Variants in BCL2 observed in about 807,000 individuals in gnomAD.
BCL2 encodes apoptosis regulator Bcl-2.
In BCL2, 1 loss-of-function variant was observed where a neutral mutation model predicts 14.2. That is an observed-to-expected ratio of 0.07 (90% CI 0.02 to 0.33). The LOEUF (loss-of-function observed/expected upper bound fraction) is 0.33, where lower values mean the gene tolerates loss of function less well. Ranked by LOEUF, BCL2 falls within the 10% of genes least tolerant of loss-of-function variation. The pLI, the probability that BCL2 is intolerant of heterozygous loss-of-function variation, is 0.99. For missense variants in BCL2, 247 were observed against 305.9 expected (o/e 0.81, Z 1.44); for synonymous variants, 151 against 137.2 (o/e 1.10, Z -0.70).
At chr18:63,262,927 G>C (rs1911702011) in intron 2 of BCL2, among the ~76,000 whole-genome samples, 1 of 152,178 alleles carries the variant, frequency 6.6e-6, no homozygotes, top group South Asian at 2.1e-4. Flanking sequence ...GGAACAAAGT[G>C]ATCCAATATC....
intron 2 of BCL2, among the ~76,000 whole-genome samples, chr18:63,307,419 T>C (rs1054283617): frequency 7.2e-5 from 11 of 152,254 alleles, no homozygotes; most frequent in Non-Finnish European, 1.3e-4. Flanking sequence ...AGCTACTGAT[T>C]TGCAGTGACA....
intron 2 of BCL2, among the ~76,000 whole-genome samples, chr18:63,240,287 C>T (rs376577172): frequency 1.3e-4 from 20 of 152,218 alleles, no homozygotes; most frequent in African/African-American, 4.8e-4. Flanking sequence ...CTGCACCCAG[C>T]CTATCTTGTT....
chr18:63,319,809 C>T (rs1374432816), upstream of BCL2: 1 of 188,250 alleles, frequency 5.3e-6, no homozygotes, highest in East Asian at 8.4e-5. Context: ...TATTTTTTCC[C>T]TCTTTTCCTA....
At chr18:63,216,976 G>A (rs919134064) in intron 2 of BCL2, among the ~76,000 whole-genome samples, 10 of 152,154 alleles carry the variant, frequency 6.6e-5, no homozygotes, top group African/African-American at 2.2e-4. Context: ...GTGGCATCAC[G>A]TTGAAGAAGG....
chr18:63,319,043 A>T, intron 1 of BCL2, 91 bp from the exon 2 acceptor site: 1 of 1,098,690 alleles, frequency 9.1e-7, no homozygotes. Flanking sequence ...TACACACTAC[A>T]AGTAACACGG....
chr18:63,226,593 C>G (rs1568239812), intron 2 of BCL2, among the ~76,000 whole-genome samples: 1 of 152,028 alleles, frequency 6.6e-6, no homozygotes, highest in African/African-American at 2.4e-5. Flanking sequence ...CATGTACTAT[C>G]AAGAGAGAAA....
intron 2 of BCL2, among the ~76,000 whole-genome samples, chr18:63,148,016 T>C (rs1914556584): frequency 6.6e-6 from 1 of 152,078 alleles, no homozygotes; most frequent in Non-Finnish European, 1.5e-5. Context: ...GCTTGGAAAA[T>C]GCAGAGAAAA....
rs1160213231 is a variant in BCL2 at position 63,185,521 on chromosome 18, C to G, written c.586-56762G>C. Among the ~76,000 whole-genome samples the G allele has an allele frequency of 2.6e-5, 4 of 152,202 alleles. No individual in the cohort carries two copies. The East Asian group carries it at 5.8e-4, about 22-fold the overall frequency. On this transcript the variant is annotated intron_variant, in intron 2 of 2. Coordinates refer to ENST00000333681, the MANE Select transcript of BCL2 (RefSeq NM_000633.3). ...GCTAGCTGCTTTCCATATGGTATCT[C>G]ATTTGATTCTCACAGTCACACTGTA...
chr18:63,126,797 C>T lies in BCL2; in HGVS notation c.*1828G>A, dbSNP rs769867822. On this transcript the variant is annotated 3_prime_UTR_variant, in exon 3 of 3. Transcript: ENST00000333681. The stretch of plus-strand genomic sequence containing the variant: ...CTAAATACAATTAAAAACAAAAAAA[C>T]GCTGAGATGCATGTATTTTTTTAAA... 29 of 226,474 alleles carry T rather than the reference C, an allele frequency of 1.3e-4. No individual in the cohort carries two copies. The highest frequency in any genetic ancestry group is 2.5e-4 in the East Asian group (4 of 15,740). The allele number at this position is 226,474 out of a possible 1,614,324, so 14.0% of individuals were successfully genotyped here. A position where few individuals can be genotyped will look rare whatever the true frequency, so the allele number is the denominator to read the frequency against.
intron 2 of BCL2, among the ~76,000 whole-genome samples, chr18:63,152,160 G>A (rs1387015598): frequency 6.6e-6 from 1 of 152,220 alleles, no homozygotes; most frequent in East Asian, 1.9e-4. Flanking sequence ...TGACTTCCAA[G>A]AGACTCACTA....
chr18:63,194,338 C>CT (rs147419261), intron 2 of BCL2, among the ~76,000 whole-genome samples: 83,985 of 143,994 alleles, frequency 0.58, 26,267 homozygotes, highest in Non-Finnish European at 0.71. Flanking sequence ...AAACTTTTTT[C>CT]TTTTTTTTTT....
chr18:63,156,180 AGAGTCTTGCCCAGCAATAGCATGGAAGG>A (rs1914778228), intron 2 of BCL2, among the ~76,000 whole-genome samples: 1 of 151,982 alleles, frequency 6.6e-6, no homozygotes, highest in Non-Finnish European at 1.5e-5. Flanking sequence ...GAGCCAACAT[AGAGTCTTGCCCAGCAATAGCATGGAAGG>A]GAGTGGCAGC....
intron 2 of BCL2, among the ~76,000 whole-genome samples, chr18:63,145,114 A>G (rs1914474049): frequency 6.6e-6 from 1 of 152,258 alleles, no homozygotes; most frequent in South Asian, 2.1e-4. Context: ...AGAATGTGAA[A>G]GAGAACAAAA....
chr18:63,199,141 A>G (rs1055402154), intron 2 of BCL2, among the ~76,000 whole-genome samples: 1 of 151,484 alleles, frequency 6.6e-6, no homozygotes, highest in Non-Finnish European at 1.5e-5. Context: ...GCACAGACAC[A>G]GAGACGCAGA....
In BCL2 at chr18:63,319,318, G is replaced by C. The variant is rs977840505; in HGVS notation, c.-431C>G. On this transcript the variant is annotated 5_prime_UTR_variant, in exon 1 of 3. Coordinates refer to ENST00000333681, the MANE Select transcript of BCL2 (RefSeq NM_000633.3). ...ACTTCCCAATGAATCAGGAGTCGCGGGGAGAGGGAGTAAAAATTAGGAGGA... is the reference window on the plus strand; with the variant it reads ...ACTTCCCAATGAATCAGGAGTCGCGCGGAGAGGGAGTAAAAATTAGGAGGA... The C allele has an allele frequency of 4.4e-6, 1 of 228,024 alleles. No homozygotes were observed. Among genetic ancestry groups the C allele is most frequent in the Non-Finnish European group, 8.7e-6 (1 of 114,814 alleles). 14.1% of individuals were successfully genotyped at this position (228,024 alleles called of 1,614,324 possible).
At chr18:63,241,762 T>C (rs1301096146) in intron 2 of BCL2, among the ~76,000 whole-genome samples, 1 of 152,208 alleles carries the variant, frequency 6.6e-6, no homozygotes, top group Non-Finnish European at 1.5e-5. Flanking sequence ...ACTACGAGAA[T>C]CTGATGAAAA....
rs1397818696 is a variant in BCL2 at position 63,123,999 on chromosome 18, G to A, written c.*4626C>T. 9.0e-6 allele frequency: 2 copies of A among 221,568 alleles called. No homozygotes were observed. The highest frequency in any genetic ancestry group is 4.5e-5 in the African/African-American group (2 of 44,596). The allele number at this position is 221,568 out of a possible 1,614,324, so 13.7% of individuals were successfully genotyped here. On this transcript the variant is annotated 3_prime_UTR_variant, in exon 3 of 3. Coordinates refer to ENST00000333681, the MANE Select transcript of BCL2 (RefSeq NM_000633.3). ...TCAGCTTGGTATGCAGAACAACCTT[G>A]TTGTTGATAGGATGTTTGCTTGAAG...
At chr18:63,137,125 C>G (rs1914227367) in intron 2 of BCL2, among the ~76,000 whole-genome samples, 1 of 152,348 alleles carries the variant, frequency 6.6e-6, no homozygotes, top group East Asian at 1.9e-4. Flanking sequence ...ATGCTTAAGT[C>G]TAAGGTTCCC....
intron 2 of BCL2, among the ~76,000 whole-genome samples, chr18:63,163,056 G>A (rs1914962245): frequency 6.6e-6 from 1 of 152,166 alleles, no homozygotes; most frequent in East Asian, 1.9e-4. Context: ...ATGTTGCCAA[G>A]GTTGGTCTTG....
Sources: allele counts gnomAD v4.1 joint callset (sites outside exome capture counted in the v4.1 genomes callset), GRCh38; gene constraint gnomAD v4.1.1; transcripts MANE v1.5; gene names NCBI Gene and HGNC (gene_info 2026-07-23, HGNC 2026-07-21).